Variants in PADI4 observed in about 807,000 individuals in gnomAD.
The protein encoded by PADI4 is protein-arginine deiminase type-4.
A neutral mutation model predicts 75.0 loss-of-function variants in PADI4; 62 were observed. That is an observed-to-expected ratio of 0.83 (90% CI 0.67 to 1.02). PADI4 has a LOEUF of 1.02. PADI4 is among the 50% of genes least tolerant of loss of function. The pLI, the probability that PADI4 is intolerant of heterozygous loss-of-function variation, is 0.00. For synonymous variants in PADI4, 361 were observed against 348.1 expected (o/e 1.04, Z -0.41); for missense variants, 845 against 850.5 (o/e 0.99, Z 0.08).
intron 15 of PADI4, among the ~76,000 whole-genome samples, chr1:17,359,875 G>T (rs1193469903): frequency 1.3e-5 from 2 of 152,218 alleles, no homozygotes; most frequent in African/African-American, 4.8e-5. Context: ...CAAGGAGAGG[G>T]TCCTGGGCTG....
chr1:17,350,824 G>T (rs1416763846), intron 10 of PADI4, among the ~76,000 whole-genome samples: 3 of 129,776 alleles, frequency 2.3e-5, no homozygotes, highest in African/African-American at 7.5e-5. Context: ...GGACGTTCTG[G>T]CCCAGAGAGA....
Position 17,355,991 on chromosome 1 carries a change from G to T in PADI4, c.1319G>T (p.Ser440Ile). The change falls in exon 12 of 16, where the codon AGC becomes ATC. Residue 440 changes from serine (S) to isoleucine (I), a missense_variant. By Grantham distance (142) the Ser-to-Ile change is moderately radical. Transcript: ENST00000375448. Reference protein sequence around the residue: ...FGDSCYPSNDSRQMHQALQDF... With the variant: ...FGDSCYPSNDIRQMHQALQDF... ...TAACCCTGCCATGACAGCAATGACA[G>T]CCGGCAGATGCACCAGGCCCTGCAG... The T allele has an allele frequency of 6.2e-7, 1 of 1,614,168 alleles. No individual in the cohort carries two copies. The highest frequency in any genetic ancestry group is 1.3e-5 in the African/African-American group (1 of 75,052).
In PADI4 at chr1:17,352,104, T is replaced by TCAGGGAGGTGATGGGAGGTGGG. The variant is rs1557577118; in HGVS notation, c.1156-2429_1156-2428insCAGGGAGGTGATGGGAGGTGGG. The stretch of plus-strand genomic sequence containing the variant: ...CAGTCAGGGAGGTGATGGGAGGTGG[T>TCAGGGAGGTGATGGGAGGTGGG]AGGAGAGACTGTGGTCAGAGAGGTG... On this transcript the variant is annotated intron_variant, in intron 10 of 15. Transcript: ENST00000375448. Among the ~76,000 whole-genome samples the TCAGGGAGGTGATGGGAGGTGGG allele has an allele frequency of 4.2e-3, 292 of 69,156 alleles. 42 individuals carry two copies. Among genetic ancestry groups the TCAGGGAGGTGATGGGAGGTGGG allele is most frequent in the African/African-American group, 0.016 (256 of 15,940 alleles). 45.4% of individuals were successfully genotyped at this position (69,156 alleles called of 152,430 possible). A position where few individuals can be genotyped will look rare whatever the true frequency, so the allele number is the denominator to read the frequency against.
intron 15 of PADI4, among the ~76,000 whole-genome samples, chr1:17,360,302 A>G (rs1422574856): frequency 6.6e-6 from 1 of 151,978 alleles, no homozygotes; most frequent in Non-Finnish European, 1.5e-5. Context: ...GGAAAAAAAA[A>G]AAAAAAGACA....
At chr1:17,349,714 A>AG (rs2074586449) in intron 10 of PADI4, among the ~76,000 whole-genome samples, 1 of 116,358 alleles carries the variant, frequency 8.6e-6, no homozygotes, top group Non-Finnish European at 1.9e-5. Flanking sequence ...AAAAAAAAAA[A>AG]AAAGAAAGAA....
At chr1:17,314,735 T>TCCTGG (rs1185743972) in intron 1 of PADI4, among the ~76,000 whole-genome samples, 1 of 152,174 alleles carries the variant, frequency 6.6e-6, no homozygotes, top group African/African-American at 2.4e-5. Context: ...TGCCTGCTGC[T>TCCTGG]CCTGGCCTGG....
At chr1:17,355,360 T>G (rs987610596) in intron 11 of PADI4, among the ~76,000 whole-genome samples, 5 of 152,178 alleles carry the variant, frequency 3.3e-5, no homozygotes, top group African/African-American at 1.2e-4. Context: ...GAGACCAGCC[T>G]GACTAACATG....
In PADI4 at chr1:17,308,361, T is replaced by C. The variant is rs375283823; in HGVS notation, c.92+47T>C. 17 of 1,430,126 alleles carry C rather than the reference T, an allele frequency of 1.2e-5. No homozygotes were observed. The African/African-American group carries it at 2.1e-4, about 18-fold the overall frequency. The allele number at this position is 1,430,126 out of a possible 1,614,324, so 88.6% of individuals were successfully genotyped here. A position where few individuals can be genotyped will look rare whatever the true frequency, so the allele number is the denominator to read the frequency against. On this transcript the variant is annotated intron_variant, in intron 1 of 15. Coordinates refer to ENST00000375448, the MANE Select transcript of PADI4 (RefSeq NM_012387.3). ...GTTTTGGAGGCAGGTCAGGAGATGCTGGATGACCCAGTTCTACTGACACAG... is the reference window on the plus strand; with the variant it reads ...GTTTTGGAGGCAGGTCAGGAGATGCCGGATGACCCAGTTCTACTGACACAG...
At chr1:17,316,197 C>A (rs1421745018) in intron 1 of PADI4, among the ~76,000 whole-genome samples, 1 of 151,618 alleles carries the variant, frequency 6.6e-6, no homozygotes, top group African/African-American at 2.4e-5. Context: ...AGTTTGAGAC[C>A]AGCCTGGTCA....
intron 1 of PADI4, among the ~76,000 whole-genome samples, chr1:17,320,504 G>A (rs2074015201): frequency 6.6e-6 from 1 of 152,204 alleles, no homozygotes; most frequent in South Asian, 2.1e-4. Context: ...TTATTCATGA[G>A]TTTTCAGGGT....
chr1:17,355,502 T>C lies in PADI4; in HGVS notation c.1311-481T>C, dbSNP rs909793891. Among the ~76,000 whole-genome samples, 9 of 150,252 alleles carry C rather than the reference T, an allele frequency of 6.0e-5. 1 individual carries two copies. In the South Asian group the frequency reaches 1.9e-3, roughly 32 times the overall value. On this transcript the variant is annotated intron_variant, in intron 11 of 15. Transcript: ENST00000375448. ...AGGCGGAGGTTGTAGTGAGCCGAGA[T>C]TGTGCCAGCCTGGGCAACAGAGCAA...
Position 17,314,059 on chromosome 1 carries a change from G to A in PADI4, c.92+5745G>A, listed in dbSNP as rs1258820229. On this transcript the variant is annotated intron_variant, in intron 1 of 15. Coordinates refer to ENST00000375448, the MANE Select transcript of PADI4 (RefSeq NM_012387.3). ...GTTTCCCCATCTAGCAGAGAGAGTG[G>A]CTATAAAGGTGCCAGACCCACCCGT... Among the ~76,000 whole-genome samples, 3 of 152,234 alleles carry A rather than the reference G, an allele frequency of 2.0e-5. No individual in the cohort carries two copies. The East Asian group carries it at 5.8e-4, about 29-fold the overall frequency.
intron 1 of PADI4, among the ~76,000 whole-genome samples, chr1:17,313,592 C>A (rs1186305622): frequency 6.6e-6 from 1 of 151,218 alleles, no homozygotes; most frequent in African/African-American, 2.4e-5. Context: ...TGACCCAGTT[C>A]CTAGCTTGAC....
chr1:17,359,041 G>C, intron 14 of PADI4, 133 bp downstream of exon 14: 1 of 707,898 alleles, frequency 1.4e-6, no homozygotes, highest in South Asian at 1.8e-5. Flanking sequence ...CAGAAGCAAG[G>C]GCAGAAGCAA....
chr1:17,331,059 A>G lies in PADI4; in HGVS notation c.183A>G (p.Lys61=), dbSNP rs1260048721. ...DIAHGPPAKK[K]STGSSTWPLD... ...CCCACGGCCCTCCAGCCAAGAAGAA[A>G]TCCACAGGTTCCTCCACATGGCCCC... Residue 61 remains lysine, a synonymous_variant, in exon 2 of 16, where the codon AAA becomes AAG. Coordinates refer to ENST00000375448, the MANE Select transcript of PADI4 (RefSeq NM_012387.3). The G allele has an allele frequency of 6.2e-7, 1 of 1,610,652 alleles. No individual in the cohort carries two copies. Among genetic ancestry groups the G allele is most frequent in the African/African-American group, 1.3e-5 (1 of 74,742 alleles).
At chr1:17,319,159 C>T (rs1569991487) in intron 1 of PADI4, among the ~76,000 whole-genome samples, 1 of 152,272 alleles carries the variant, frequency 6.6e-6, no homozygotes, top group Admixed American at 6.5e-5. Context: ...TTGCTTCTTC[C>T]TTTTTCTTAG....
intron 1 of PADI4, among the ~76,000 whole-genome samples, chr1:17,308,576 C>A (rs1160617908): frequency 2.0e-5 from 3 of 152,160 alleles, no homozygotes; most frequent in African/African-American, 7.2e-5. Context: ...CCAGGCCATC[C>A]ATCTCCCTGT....
intron 13 of PADI4, 73 bp from the exon 14 acceptor site, chr1:17,358,765 C>A (rs115743033): frequency 3.0e-5 from 28 of 941,328 alleles, no homozygotes; most frequent in African/African-American, 4.9e-5. Flanking sequence ...TGAGTCCCCC[C>A]CCGGCACTGG....
intron 2 of PADI4, 25 bp from the exon 3 acceptor site, chr1:17,333,918 T>C: frequency 6.4e-7 from 1 of 1,570,452 alleles, no homozygotes; most frequent in East Asian, 2.2e-5. Context: ...CTAAGAGAAG[T>C]CATTAGTGAT....
Sources: allele counts gnomAD v4.1 joint callset (sites outside exome capture counted in the v4.1 genomes callset), GRCh38; gene constraint gnomAD v4.1.1; transcripts MANE v1.5; gene names NCBI Gene and HGNC (gene_info 2026-07-23, HGNC 2026-07-21).